Variants in PLCXD3 observed in about 807,000 individuals in gnomAD.
PLCXD3 encodes phosphatidylinositol specific phospholipase C X domain containing 3, also known as PI-PLC X domain-containing protein 3.
Under a neutral mutation model 25.5 loss-of-function variants are expected in PLCXD3, and 19 were observed. That is an observed-to-expected ratio of 0.75 (90% CI 0.52 to 1.09). The LOEUF (loss-of-function observed/expected upper bound fraction) is 1.09, where lower values mean the gene tolerates loss of function less well. Ranked by LOEUF, PLCXD3 falls within the 50% of genes least tolerant of loss-of-function variation. The pLI, the probability that PLCXD3 is intolerant of heterozygous loss-of-function variation, is 0.00. For missense variants in PLCXD3, 411 were observed against 388.1 expected, an observed-to-expected ratio of 1.06 and a Z score of -0.50; for synonymous variants, 174 against 137.6, an observed-to-expected ratio of 1.26 and a Z score of -1.85.
chr5:41,393,614 C>T (rs934709996), intron 1 of PLCXD3, among the ~76,000 whole-genome samples: 1 of 151,978 alleles, frequency 6.6e-6, no homozygotes, highest in Admixed American at 6.6e-5. Flanking sequence ...TAAATCATCA[C>T]CTGAAGGTAC....
intron 2 of PLCXD3, among the ~76,000 whole-genome samples, chr5:41,338,624 C>A (rs1744049876): frequency 1.3e-5 from 2 of 152,078 alleles, no homozygotes; most frequent in South Asian, 2.1e-4. Context: ...AGCCTCCCTC[C>A]TACTATTACA....
At chr5:41,393,621 G>T (rs1745904276) in intron 1 of PLCXD3, among the ~76,000 whole-genome samples, 1 of 151,956 alleles carries the variant, frequency 6.6e-6, no homozygotes, top group Non-Finnish European at 1.5e-5. Flanking sequence ...TCACCTGAAG[G>T]TACAAAACTC....
chr5:41,491,034 C>T (rs1256358266), intron 1 of PLCXD3, among the ~76,000 whole-genome samples: 1 of 152,100 alleles, frequency 6.6e-6, no homozygotes, highest in Admixed American at 6.5e-5. Context: ...GTTAGGTTGT[C>T]AATTTTGGAT....
intron 1 of PLCXD3, among the ~76,000 whole-genome samples, chr5:41,496,695 A>G (rs1015792215): frequency 2.0e-5 from 3 of 151,352 alleles, no homozygotes; most frequent in African/African-American, 7.3e-5. Flanking sequence ...TGCTAAAGGG[A>G]TTCCATTAAG....
At chr5:41,435,361 A>T (rs192002276) in intron 1 of PLCXD3, among the ~76,000 whole-genome samples, 1 of 152,332 alleles carries the variant, frequency 6.6e-6, no homozygotes, top group Admixed American at 6.5e-5. Context: ...ACATACTTAG[A>T]TAACTCAGAG....
Position 41,307,963 on chromosome 5 carries a change from A to C in PLCXD3, c.*5654T>G, listed in dbSNP as rs1026520464. 3 of 152,196 alleles carry C rather than the reference A, an allele frequency of 2.0e-5. No individual in the cohort carries two copies. The highest frequency in any genetic ancestry group is 7.2e-5 in the African/African-American group (3 of 41,452). The allele number at this position is 152,196 out of a possible 1,614,324, so 9.4% of individuals were successfully genotyped here. A position where few individuals can be genotyped will look rare whatever the true frequency, so the allele number is the denominator to read the frequency against. On this transcript the variant is annotated 3_prime_UTR_variant, in exon 3 of 3. Coordinates refer to ENST00000377801, the MANE Select transcript of PLCXD3 (RefSeq NM_001005473.3). ...ATTAATGGGGAAACTTGGACCTCACAACAGGCTGGCAAAGGGAAGTGTTGA... is the reference window on the plus strand; with the variant it reads ...ATTAATGGGGAAACTTGGACCTCACCACAGGCTGGCAAAGGGAAGTGTTGA...
At chr5:41,396,655 G>A (rs1746016842) in intron 1 of PLCXD3, among the ~76,000 whole-genome samples, 1 of 152,192 alleles carries the variant, frequency 6.6e-6, no homozygotes, top group South Asian at 2.1e-4. Context: ...AGGAAAATGA[G>A]AGAAAGTTTG....
At chr5:41,367,246 A>T (rs1161951808) in intron 2 of PLCXD3, among the ~76,000 whole-genome samples, 2 of 149,384 alleles carry the variant, frequency 1.3e-5, no homozygotes, top group African/African-American at 2.4e-5. Context: ...ACTAATTTAC[A>T]TTCCCACCAA....
At chr5:41,505,227 ATGTG>A (rs148730096) in intron 1 of PLCXD3, among the ~76,000 whole-genome samples, 8 of 151,062 alleles carry the variant, frequency 5.3e-5, no homozygotes, top group African/African-American at 1.2e-4. Context: ...GTGTGTGTGC[ATGTG>A]TGTGTGTGTG....
chr5:41,397,865 G>C (rs894443995), intron 1 of PLCXD3, among the ~76,000 whole-genome samples: 2 of 152,156 alleles, frequency 1.3e-5, no homozygotes, highest in African/African-American at 4.8e-5. Flanking sequence ...TACCCTGCTG[G>C]GTTTTTGACT....
At chr5:41,320,859 C>G (rs1276268951) in intron 2 of PLCXD3, among the ~76,000 whole-genome samples, 2 of 152,160 alleles carry the variant, frequency 1.3e-5, no homozygotes, top group Admixed American at 1.3e-4. Flanking sequence ...ATGATCATCT[C>G]AATTGATGCT....
chr5:41,489,136 C>A (rs1255818654), intron 1 of PLCXD3, among the ~76,000 whole-genome samples: 2 of 151,876 alleles, frequency 1.3e-5, no homozygotes, highest in African/African-American at 2.4e-5. Context: ...CCAGTTTCAG[C>A]TTTCTACATA....
intron 1 of PLCXD3, among the ~76,000 whole-genome samples, chr5:41,387,963 T>G (rs1043666534): frequency 3.3e-5 from 5 of 152,146 alleles, no homozygotes; most frequent in African/African-American, 7.2e-5. Context: ...AATGGGCTTA[T>G]GCAAATAATT....
intron 1 of PLCXD3, among the ~76,000 whole-genome samples, chr5:41,413,290 C>G (rs1746609471): frequency 6.6e-6 from 1 of 152,158 alleles, no homozygotes; most frequent in Admixed American, 6.5e-5. Context: ...TGCGAGCTGG[C>G]TCAATTGCAG....
intron 1 of PLCXD3, among the ~76,000 whole-genome samples, chr5:41,448,585 A>T (rs1016205738): frequency 2.6e-5 from 4 of 152,224 alleles, no homozygotes; most frequent in Admixed American, 6.5e-5. Context: ...TAGCAAATAA[A>T]TAAATACATA....
At chr5:41,313,823 A>G in intron 2 of PLCXD3, 53 bp from the exon 3 acceptor site, 2 of 1,503,392 alleles carry the variant, frequency 1.3e-6, no homozygotes. Flanking sequence ...CTATTTTTCA[A>G]GCTCTACAAT....
chr5:41,332,838 G>T (rs1446204116), intron 2 of PLCXD3, among the ~76,000 whole-genome samples: 12 of 151,970 alleles, frequency 7.9e-5, no homozygotes, highest in Non-Finnish European at 1.2e-4. Context: ...GTAAACTATC[G>T]CAAGAACAAA....
intron 2 of PLCXD3, among the ~76,000 whole-genome samples, chr5:41,365,525 A>G (rs1250323037): frequency 1.3e-5 from 2 of 152,152 alleles, no homozygotes; most frequent in Non-Finnish European, 2.9e-5. Flanking sequence ...TAACTGAAGG[A>G]CTGCCTCTCC....
Position 41,480,987 on chromosome 5 carries a change from T to C in PLCXD3, c.103+29437A>G, listed in dbSNP as rs548321425. The stretch of plus-strand genomic sequence containing the variant: ...TTGAAGCATTAAAGTATACTAACAC[T>C]GTTTCTGAAAGGGGTCAAATTAGTA... On this transcript the variant is annotated intron_variant, in intron 1 of 2. Transcript: ENST00000377801. 4.0e-5 allele frequency among the ~76,000 whole-genome samples: 6 copies of C among 151,648 alleles called. No individual in the cohort carries two copies. The South Asian group carries it at 1.2e-3, about 31-fold the overall frequency.
Sources: gnomAD v4.1 joint callset for allele counts (sites outside exome capture counted in the v4.1 genomes callset) on GRCh38, gnomAD v4.1.1 for gene constraint, MANE v1.5 for transcripts, NCBI Gene and HGNC (gene_info 2026-07-23, HGNC 2026-07-21) for gene names.